Variants in CAPN3 observed in about 807,000 individuals in gnomAD.
CAPN3 encodes calpain-3.
CAPN3 carries 88 observed loss-of-function variants against 114.0 expected under a neutral mutation model. The ratio of observed to expected loss-of-function variants is 0.77; its 90% confidence interval spans 0.65 to 0.92. The LOEUF (loss-of-function observed/expected upper bound fraction) is 0.92. Among genes scored for constraint, CAPN3 ranks in the 40% least tolerant of loss-of-function variants. The probability of loss-of-function intolerance (pLI) is 0.00; values close to 1 mark genes in which losing one functional copy is unlikely to be tolerated. For synonymous variants in CAPN3, 386 were observed against 382.9 expected (o/e 1.01, Z -0.09); for missense variants, 1,028 against 1,069.0 (o/e 0.96, Z 0.53).
rs565093051 is a variant in CAPN3, at chr15:42,389,496, G to C, written c.801+400G>C. On this transcript the variant is annotated intron_variant, in intron 5 of 23. Coordinates refer to ENST00000397163, the MANE Select transcript of CAPN3 (RefSeq NM_000070.3). ...TTCACCACACCTCCCCGCTTGAGACGTGGGCTTTGTGTTGTTACCTGGGAG... is the reference window on the plus strand; with the variant it reads ...TTCACCACACCTCCCCGCTTGAGACCTGGGCTTTGTGTTGTTACCTGGGAG... 2.0e-5 allele frequency among the ~76,000 whole-genome samples: 3 copies of C among 152,292 alleles called. No individual in the cohort carries two copies. In the East Asian group the frequency reaches 5.8e-4, roughly 29 times the overall value.
chr15:42,380,751 A>ATATATATATATATAT (rs1436943739), intron 1 of CAPN3, among the ~76,000 whole-genome samples: 1 of 64,480 alleles, frequency 1.6e-5, no homozygotes, highest in African/African-American at 9.0e-5. Flanking sequence ...ATATATATAT[A>ATATATATATATATAT]TTTTTTTTTT....
At chr15:42,405,379 C>T (rs1454213085) in intron 14 of CAPN3, among the ~76,000 whole-genome samples, 1 of 152,144 alleles carries the variant, frequency 6.6e-6, no homozygotes, top group Non-Finnish European at 1.5e-5. Context: ...GGCATGATCT[C>T]AGCTCACTGC....
In CAPN3 at chr15:42,410,066, C is replaced by T. The variant is rs961946304; in HGVS notation, c.2115+71C>T. The T allele has an allele frequency of 2.8e-6, 4 of 1,407,068 alleles. No homozygotes were observed. The African/African-American group carries it at 5.6e-5, about 20-fold the overall frequency. 87.2% of individuals were successfully genotyped at this position (1,407,068 alleles called of 1,614,324 possible). ...GGGGGCCAAGGCAACATACAGGGTG[C>T]CCAGTCAGGCAAAGGGCCCTAATTT... On this transcript the variant is annotated intron_variant, in intron 19 of 23. Transcript: ENST00000397163.
At chr15:42,374,333 A>T (rs990935285) in intron 1 of CAPN3, 3 of 152,272 alleles carry the variant, frequency 2.0e-5, no homozygotes, top group African/African-American at 7.2e-5. Flanking sequence ...GTGATCCAAG[A>T]GAGGGACAGG....
rs371246185 is a variant in CAPN3 at position 42,360,678 on chromosome 15, G to A, written c.309+564G>A. On this transcript the variant is annotated intron_variant, in intron 1 of 23. Coordinates refer to ENST00000397163, the MANE Select transcript of CAPN3 (RefSeq NM_000070.3). ...TTAAAGAGAGAGAGACCTAGCAATCGCTTTTGTCCACCTACCTCACCTCAT... is the reference window on the plus strand; with the variant it reads ...TTAAAGAGAGAGAGACCTAGCAATCACTTTTGTCCACCTACCTCACCTCAT... Among the ~76,000 whole-genome samples the A allele has an allele frequency of 1.8e-4, 27 of 152,220 alleles. No homozygotes were observed. The East Asian group carries it at 2.5e-3, about 14-fold the overall frequency.
intron 2 of CAPN3, chr15:42,385,743 C>T (rs368568027): frequency 2.9e-4 from 153 of 522,428 alleles, no homozygotes; most frequent in African/African-American, 2.5e-3. Flanking sequence ...GTGGATGGTT[C>T]TCTGAGGCTC....
chr15:42,397,250 A>G (rs1220272087), intron 9 of CAPN3, among the ~76,000 whole-genome samples: 5 of 152,166 alleles, frequency 3.3e-5, no homozygotes, highest in African/African-American at 1.2e-4. Flanking sequence ...TCAGGCTTCA[A>G]GTCTCAGCTT....
At chr15:42,371,733 A>G (rs8033960) in intron 1 of CAPN3, among the ~76,000 whole-genome samples, 8,004 of 152,098 alleles carry the variant, frequency 0.053, 653 homozygotes, top group African/African-American at 0.17. Context: ...GGAGGCCGAG[A>G]TGGGCAGATC....
intron 10 of CAPN3, among the ~76,000 whole-genome samples, 159 bp from the exon 11 acceptor site, chr15:42,401,482 C>A (rs1049459403): frequency 1.1e-4 from 14 of 132,036 alleles, no homozygotes; most frequent in East Asian, 2.4e-4. Flanking sequence ...CGCCCCCCCC[C>A]CCCCCAAATC....
chr15:42,411,983 G>A lies in CAPN3; in HGVS notation c.*210G>A. ...GACCCTTTAGTAAAGCAATGAGGTA[G>A]GAAGAACAAACCCTTGTCCCTTTGC... On this transcript the variant is annotated 3_prime_UTR_variant, in exon 24 of 24. Transcript: ENST00000397163. 1 of 1,510,320 alleles carries A rather than the reference G, an allele frequency of 6.6e-7. No homozygotes were observed. Among genetic ancestry groups the A allele is most frequent in the South Asian group, 1.3e-5 (1 of 76,876 alleles). 93.6% of individuals were successfully genotyped at this position (1,510,320 alleles called of 1,614,324 possible).
intron 16 of CAPN3, 62 bp from the exon 17 acceptor site, chr15:42,409,234 GAGGAGCT>G: frequency 6.7e-7 from 1 of 1,496,744 alleles, no homozygotes; most frequent in Non-Finnish European, 9.3e-7. Context: ...CCTTGGCCCA[GAGGAGCT>G]TGCCTCACAG....
chr15:42,409,211 A>T, intron 16 of CAPN3, 92 bp from the exon 17 acceptor site: 16 of 1,187,684 alleles, frequency 1.3e-5, no homozygotes, highest in African/African-American at 3.0e-5. Flanking sequence ...CGGCCGTTTT[A>T]GGCACTTGGC....
intron 14 of CAPN3, among the ~76,000 whole-genome samples, chr15:42,405,554 C>T (rs971873500): frequency 6.6e-6 from 1 of 152,114 alleles, no homozygotes; most frequent in African/African-American, 2.4e-5. Context: ...TCAGATAATC[C>T]GCCCACCTCA....
intron 8 of CAPN3, among the ~76,000 whole-genome samples, 181 bp from the exon 9 acceptor site, chr15:42,396,619 C>T (rs918459584): frequency 3.9e-5 from 6 of 152,126 alleles, no homozygotes; most frequent in Non-Finnish European, 8.8e-5. Context: ...AGTTTAGGCT[C>T]AGTCTTGAGG....
At chr15:42,371,197 G>C (rs760779322) in intron 1 of CAPN3, among the ~76,000 whole-genome samples, 1 of 151,876 alleles carries the variant, frequency 6.6e-6, no homozygotes, top group Non-Finnish European at 1.5e-5. Flanking sequence ...GTGTCATCAC[G>C]GGGGTAGGGG....
chr15:42,359,670 A>T lies in CAPN3; in HGVS notation c.-136A>T. 6.5e-7 allele frequency: 1 copy of T among 1,536,420 alleles called. No homozygotes were observed. Among genetic ancestry groups the T allele is most frequent in the Non-Finnish European group, 8.7e-7 (1 of 1,147,434 alleles). On this transcript the variant is annotated 5_prime_UTR_variant, in exon 1 of 24. Transcript: ENST00000397163. ...TGTACGACCTTCTGATGGGCTTTCA[A>T]CTTTGAACTGGATGTGGACACTTTT...
chr15:42,364,819 G>C (rs1048380706), intron 1 of CAPN3, among the ~76,000 whole-genome samples: 2 of 152,212 alleles, frequency 1.3e-5, no homozygotes, highest in Non-Finnish European at 2.9e-5. Context: ...ATGTGCCTCA[G>C]TCATGCCAGG....
chr15:42,359,733 A>G lies in CAPN3; in HGVS notation c.-73A>G. ...AGAATTACTCCAACTTCCCCTTTGC[A>G]GTTGCTTCCTTTCCTTGAAGGTAGC... On this transcript the variant is annotated 5_prime_UTR_variant, in exon 1 of 24. Coordinates refer to ENST00000397163, the MANE Select transcript of CAPN3 (RefSeq NM_000070.3). The G allele has an allele frequency of 6.2e-7, 1 of 1,606,434 alleles. No individual in the cohort carries two copies. Among genetic ancestry groups the G allele is most frequent in the South Asian group, 1.1e-5 (1 of 90,338 alleles).
At chr15:42,369,809 A>G (rs1737185563) in intron 1 of CAPN3, among the ~76,000 whole-genome samples, 1 of 151,856 alleles carries the variant, frequency 6.6e-6, no homozygotes, top group Admixed American at 6.6e-5. Flanking sequence ...GATTGAGAGG[A>G]CAGATGGCCA....
Sources: gnomAD v4.1 joint callset for allele counts (sites outside exome capture counted in the v4.1 genomes callset) on GRCh38, gnomAD v4.1.1 for gene constraint, MANE v1.5 for transcripts, NCBI Gene and HGNC (gene_info 2026-07-23, HGNC 2026-07-21) for gene names.